Variants in TMEM178B observed in about 807,000 individuals in gnomAD.
TMEM178B encodes the protein transmembrane protein 178B.
In TMEM178B, 5 loss-of-function variants were observed where a neutral mutation model predicts 31.0. The ratio of observed to expected loss-of-function variants is 0.16; its 90% CI spans 0.08 to 0.34. The LOEUF (loss-of-function observed/expected upper bound fraction) is 0.34. Ranked by LOEUF, TMEM178B falls within the 10% of genes least tolerant of loss-of-function variation. The probability of loss-of-function intolerance (pLI) is 1.00; values close to 1 mark genes in which losing one functional copy is unlikely to be tolerated. For synonymous variants in TMEM178B, 164 were observed against 164.0 expected (o/e 1.00, Z 0.00); for missense variants, 275 against 400.3 (o/e 0.69, Z 2.67).
intron 2 of TMEM178B, among the ~76,000 whole-genome samples, chr7:141,280,481 T>C (rs1458305220): frequency 6.6e-6 from 1 of 152,200 alleles, no homozygotes; most frequent in African/African-American, 2.4e-5. Context: ...CCCTTTCCCT[T>C]GGTTCTCATT....
chr7:141,163,186 G>T (rs1470482001), intron 1 of TMEM178B, among the ~76,000 whole-genome samples: 2 of 152,176 alleles, frequency 1.3e-5, no homozygotes, highest in African/African-American at 4.8e-5. Flanking sequence ...CTTAGCTAGG[G>T]CGGTTCTTCA....
intron 1 of TMEM178B, among the ~76,000 whole-genome samples, chr7:141,201,715 G>A (rs367748962): frequency 1.2e-4 from 18 of 152,282 alleles, no homozygotes; most frequent in East Asian, 9.7e-4. Context: ...GGGCTAGTGA[G>A]CACTCTGAGC....
At chr7:141,415,711 G>A (rs1222958380) in intron 2 of TMEM178B, among the ~76,000 whole-genome samples, 4 of 152,332 alleles carry the variant, frequency 2.6e-5, no homozygotes, top group Non-Finnish European at 5.9e-5. Context: ...AGATTGCGAG[G>A]ATGGTGATGC....
At chr7:141,237,040 G>C (rs913571382) in intron 2 of TMEM178B, among the ~76,000 whole-genome samples, 1 of 152,202 alleles carries the variant, frequency 6.6e-6, no homozygotes, top group Non-Finnish European at 1.5e-5. Context: ...AAAAGTATTT[G>C]GTTTCACCAA....
chr7:141,119,943 T>C (rs1244968758), intron 1 of TMEM178B, among the ~76,000 whole-genome samples: 1 of 152,202 alleles, frequency 6.6e-6, no homozygotes, highest in Non-Finnish European at 1.5e-5. Flanking sequence ...TAGTCTGCTT[T>C]TATTGGATAG....
chr7:141,388,592 A>G (rs113879731), intron 2 of TMEM178B, among the ~76,000 whole-genome samples: 2 of 152,208 alleles, frequency 1.3e-5, no homozygotes, highest in Non-Finnish European at 2.9e-5. Flanking sequence ...TGTGATCTCC[A>G]AAACCTAATC....
At chr7:141,102,988 C>T (rs893128746) in intron 1 of TMEM178B, among the ~76,000 whole-genome samples, 5 of 152,178 alleles carry the variant, frequency 3.3e-5, no homozygotes, top group African/African-American at 1.2e-4. Context: ...GATCTCTCTC[C>T]ATCACAGGCA....
At chr7:141,315,702 C>T (rs1295218900) in intron 2 of TMEM178B, among the ~76,000 whole-genome samples, 1 of 152,128 alleles carries the variant, frequency 6.6e-6, no homozygotes, top group East Asian at 1.9e-4. Context: ...CTCTTGAAGG[C>T]AAGAGCCTTC....
intron 1 of TMEM178B, among the ~76,000 whole-genome samples, chr7:141,078,889 A>G (rs1794640413): frequency 6.6e-6 from 1 of 152,190 alleles, no homozygotes; most frequent in African/African-American, 2.4e-5. Context: ...GAGAGCAGCC[A>G]TGGACCAAGT....
intron 2 of TMEM178B, among the ~76,000 whole-genome samples, chr7:141,308,616 T>G (rs769041122): frequency 2.6e-5 from 4 of 152,200 alleles, no homozygotes; most frequent in Non-Finnish European, 5.9e-5. Context: ...CATGTGGGGC[T>G]GCTTTGGTTG....
chr7:141,480,461 C>T (rs1214107690), downstream of TMEM178B: 1 of 152,130 alleles, frequency 6.6e-6, no homozygotes, highest in Non-Finnish European at 1.5e-5. Context: ...GTATTTTTCC[C>T]TCAGGTTCTG....
intron 2 of TMEM178B, among the ~76,000 whole-genome samples, chr7:141,236,635 T>C (rs1214761803): frequency 1.3e-5 from 2 of 152,072 alleles, no homozygotes; most frequent in African/African-American, 4.8e-5. Context: ...TGGGAGAAAA[T>C]AACCTGTGGT....
At position 141,393,148 on chromosome 7, in the gene TMEM178B, G is replaced by C. The variant is rs937753565; in HGVS notation, c.497-44460G>C. 2.6e-5 allele frequency among the ~76,000 whole-genome samples: 4 copies of C among 152,162 alleles called. No individual in the cohort carries two copies. In the East Asian group the frequency reaches 5.8e-4, roughly 22 times the overall value. The stretch of plus-strand genomic sequence containing the variant: ...CTCTCCTCTTTGGTAAAGAGAACTT[G>C]CTTCTGGGGAAGGAGGCAGCCCTCC... On this transcript the variant is annotated intron_variant, in intron 2 of 3. Transcript: ENST00000565468.
intron 1 of TMEM178B, among the ~76,000 whole-genome samples, chr7:141,211,556 T>TA (rs1468631792): frequency 2.0e-5 from 3 of 152,170 alleles, no homozygotes; most frequent in Non-Finnish European, 2.9e-5. Context: ...CCCTAACCTT[T>TA]AAAAATCACC....
intron 2 of TMEM178B, among the ~76,000 whole-genome samples, chr7:141,361,949 G>A (rs899762688): frequency 1.3e-5 from 2 of 152,194 alleles, no homozygotes; most frequent in Admixed American, 1.3e-4. Flanking sequence ...ATGGAAATTT[G>A]TCTTTGTGAC....
intron 2 of TMEM178B, among the ~76,000 whole-genome samples, chr7:141,405,855 G>C (rs1800876778): frequency 1.3e-5 from 2 of 152,352 alleles, no homozygotes; most frequent in South Asian, 4.1e-4. Flanking sequence ...TCACGAAGTA[G>C]CTGTGAAAGG....
intron 1 of TMEM178B, among the ~76,000 whole-genome samples, chr7:141,139,481 G>T (rs1437803967): frequency 1.3e-5 from 2 of 152,072 alleles, no homozygotes; most frequent in Non-Finnish European, 2.9e-5. Context: ...CCCCTGAGTA[G>T]CTGGGACTAC....
chr7:141,435,152 G>T (rs951516029), intron 2 of TMEM178B, among the ~76,000 whole-genome samples: 3 of 152,166 alleles, frequency 2.0e-5, no homozygotes, highest in African/African-American at 7.2e-5. Flanking sequence ...TTCAGTAAAT[G>T]GTGCTCCGGT....
At chr7:141,114,719 TG>T (rs1795290775) in intron 1 of TMEM178B, among the ~76,000 whole-genome samples, 1 of 152,242 alleles carries the variant, frequency 6.6e-6, no homozygotes, top group African/African-American at 2.4e-5. Context: ...TTTTCACTCC[TG>T]TTCTTTGGAT....
Sources: allele counts gnomAD v4.1 joint callset (sites outside exome capture counted in the v4.1 genomes callset), GRCh38; gene constraint gnomAD v4.1.1; transcripts MANE v1.5; gene names NCBI Gene and HGNC (gene_info 2026-07-23, HGNC 2026-07-21).